Variants in OR5M9 observed in about 807,000 individuals in gnomAD.
OR5M9 encodes olfactory receptor 5M9.
For synonymous variants in OR5M9, 174 were observed against 145.0 expected (o/e 1.20, Z -1.44); for missense variants, 464 against 383.6 (o/e 1.21, Z -1.75).
chr11:56,463,274 A>G lies in OR5M9; in HGVS notation c.128T>C (p.Met43Thr). Residue 43 changes from methionine (M) to threonine (T), a missense_variant, in exon 1 of 1, where the codon ATG becomes ACG. By Grantham distance (81) the Met-to-Thr change is moderately conservative. Coordinates refer to ENST00000279791, the MANE Select transcript of OR5M9 (RefSeq NM_001004743.1). ...AGGACTGATGCTAATCAAAATGATCATACCAATATTTCCCAACAGAGTGAT... is the reference window on the plus strand; with the variant it reads ...AGGACTGATGCTAATCAAAATGATCGTACCAATATTTCCCAACAGAGTGAT... ...YMITLLGNIG[M>T]IILISISPQL... 1 of 1,613,884 alleles carries G rather than the reference A, an allele frequency of 6.2e-7. No homozygotes were observed. Among genetic ancestry groups the G allele is most frequent in the Non-Finnish European group, 8.5e-7 (1 of 1,179,836 alleles).
chr11:56,462,697 C>T lies in OR5M9; in HGVS notation c.705G>A (p.Ala235=), dbSNP rs373884757. The change falls in exon 1 of 1, where the codon GCG becomes GCA. Residue 235 remains alanine (A), a synonymous_variant. Coordinates refer to ENST00000279791, the MANE Select transcript of OR5M9 (RefSeq NM_001004743.1). ...RMRSADGRRK[A]FSTCGSHLTA... is the part of the protein sequence containing the mutation. The stretch of plus-strand genomic sequence containing the variant: ...TCAAGTGGGACCCACAGGTGGAGAA[C>T]GCCTTCCTCCTGCCATCGGCAGAGC... 12 of 1,613,150 alleles carry T rather than the reference C, an allele frequency of 7.4e-6. No individual in the cohort carries two copies. The highest frequency in any genetic ancestry group is 1.0e-5 in the Non-Finnish European group (12 of 1,179,676).
rs771732466 is a variant in OR5M9 at position 56,462,472 on chromosome 11, C to G, written c.930G>C (p.Gln310His). 2.3e-5 allele frequency: 37 copies of G among 1,594,176 alleles called. No individual in the cohort carries two copies. In the South Asian group the frequency reaches 3.8e-4, roughly 16 times the overall value. ...NKAITKTYVR[Q>H] ...GACAACAATATCCACTACAGTTTTA[C>G]TGCCTCACATATGTCTTGGTGATTG... Residue 310 changes from glutamine to histidine, a missense_variant, in exon 1 of 1, where the codon CAG becomes CAC. Transcript: ENST00000279791.
In OR5M9 at chr11:56,463,191, A is replaced by T. The variant is rs778508919; in HGVS notation, c.211T>A (p.Phe71Ile). The change falls in exon 1 of 1, where the codon TTC (phenylalanine) becomes ATC (isoleucine). Residue 71 changes from phenylalanine (F) to isoleucine (I), a missense_variant. Phe to Ile is a conservative substitution (Grantham distance 21). Coordinates refer to ENST00000279791, the MANE Select transcript of OR5M9 (RefSeq NM_001004743.1). ...LSHLSFADVC[F>I]SSNVTPKMLE... ...ATTTTGGGGGTAACGTTGGAGGAGA[A>T]GCACACGTCCGCAAAAGACAGATGA... is the stretch of plus-strand genomic sequence containing the variant. 1 of 1,613,964 alleles carries T rather than the reference A, an allele frequency of 6.2e-7. No individual in the cohort carries two copies. Among genetic ancestry groups the T allele is most frequent in the Non-Finnish European group, 8.5e-7 (1 of 1,179,922 alleles).
rs751153279 is a variant in OR5M9, at chr11:56,463,093, A to G, written c.309T>C (p.Ile103=). ...TATAGACCTCCACGTGGACAACGGC[A>G]ATGAAAAAGTAGCACTGCACCAAGC... ...VGCLVQCYFF[I]AVVHVEVYIL... is the part of the protein sequence containing the mutation. The change falls in exon 1 of 1, where the codon ATT becomes ATC. Residue 103 remains isoleucine (I), a synonymous_variant. Coordinates refer to ENST00000279791, the MANE Select transcript of OR5M9 (RefSeq NM_001004743.1). 3.7e-5 allele frequency: 59 copies of G among 1,613,974 alleles called. No individual in the cohort carries two copies. The highest frequency in any genetic ancestry group is 4.7e-5 in the Non-Finnish European group (56 of 1,179,984).
rs769056628 is a variant in OR5M9, at chr11:56,463,379, G to T, written c.23C>A (p.Thr8Lys). 41 of 1,607,892 alleles carry T rather than the reference G, an allele frequency of 2.5e-5. No homozygotes were observed. The highest frequency in any genetic ancestry group is 3.1e-5 in the Non-Finnish European group (36 of 1,177,708). Residue 8 changes from threonine (T) to lysine (K), a missense_variant, in exon 1 of 1, where the codon ACA becomes AAA. Transcript: ENST00000279791. MPNFTDVTEFTLLGLTCR... is the reference protein window; with the variant it reads MPNFTDVKEFTLLGLTCR... ...GGTCAGCCCCAGGAGAGTAAATTCT[G>T]TCACATCCGTGAAATTAGGCATTGC...
chr11:56,463,090 G>C lies in OR5M9; in HGVS notation c.312C>G (p.Ala104=). The C allele has an allele frequency of 6.2e-7, 1 of 1,613,998 alleles. No individual in the cohort carries two copies. Among genetic ancestry groups the C allele is most frequent in the Non-Finnish European group, 8.5e-7 (1 of 1,179,944 alleles). ...GGATATAGACCTCCACGTGGACAAC[G>C]GCAATGAAAAAGTAGCACTGCACCA... ...GCLVQCYFFI[A]VVHVEVYILA... is the part of the protein sequence containing the mutation. Residue 104 remains alanine (A), a synonymous_variant, in exon 1 of 1, where the codon GCC becomes GCG. Transcript: ENST00000279791.
chr11:56,463,069 A>G lies in OR5M9; in HGVS notation c.333T>C (p.Tyr111=), dbSNP rs751743942. Residue 111 remains tyrosine (Y), a synonymous_variant, in exon 1 of 1, where the codon TAT becomes TAC. Coordinates refer to ENST00000279791, the MANE Select transcript of OR5M9 (RefSeq NM_001004743.1). ...TGTCAAAGGCCATCACAGCCAGGAT[A>G]TAGACCTCCACGTGGACAACGGCAA... is the stretch of plus-strand genomic sequence containing the variant. ...FFIAVVHVEV[Y]ILAVMAFDRY... 3 of 1,614,090 alleles carry G rather than the reference A, an allele frequency of 1.9e-6. No homozygotes were observed. The highest frequency in any genetic ancestry group is 1.1e-5 in the South Asian group (1 of 91,084).
In OR5M9 at chr11:56,463,181, T is replaced by C. The variant is rs371853674; in HGVS notation, c.221A>G (p.Asn74Ser). Residue 74 changes from asparagine (N) to serine (S), a missense_variant, in exon 1 of 1, where the codon AAC becomes AGC. Asn to Ser is a conservative substitution (Grantham distance 46, BLOSUM62 1). Coordinates refer to ENST00000279791, the MANE Select transcript of OR5M9 (RefSeq NM_001004743.1). ...LSFADVCFSS[N>S]VTPKMLENLL... ...GTTTTCCAGCATTTTGGGGGTAACG[T>C]TGGAGGAGAAGCACACGTCCGCAAA... 11 of 1,613,754 alleles carry C rather than the reference T, an allele frequency of 6.8e-6. No individual in the cohort carries two copies. In the African/African-American group the frequency reaches 1.3e-4, roughly 20 times the overall value.
Position 56,463,277 on chromosome 11 carries a change from C to A in OR5M9, c.125G>T (p.Gly42Val), listed in dbSNP as rs1210460910. Residue 42 changes from glycine to valine, a missense_variant, in exon 1 of 1, where the codon GGT becomes GTT. Gly to Val is a moderately radical substitution (Grantham distance 109). Transcript: ENST00000279791. ...ACTGATGCTAATCAAAATGATCATA[C>A]CAATATTTCCCAACAGAGTGATCAT... Reference protein sequence around the residue: ...VYMITLLGNIGMIILISISPQ... With the variant: ...VYMITLLGNIVMIILISISPQ... The A allele has an allele frequency of 6.2e-7, 1 of 1,613,714 alleles. No individual in the cohort carries two copies. Among genetic ancestry groups the A allele is most frequent in the Non-Finnish European group, 8.5e-7 (1 of 1,179,790 alleles).
rs1012552438 is a variant in OR5M9, at chr11:56,463,170, T to G, written c.232A>C (p.Lys78Gln). 37 of 1,613,846 alleles carry G rather than the reference T, an allele frequency of 2.3e-5. No individual in the cohort carries two copies. The highest frequency in any genetic ancestry group is 1.6e-4 in the Middle Eastern group (1 of 6,084). Reference protein sequence around the residue: ...DVCFSSNVTPKMLENLLSETK... With the variant: ...DVCFSSNVTPQMLENLLSETK... ...TCTGATAATAAGTTTTCCAGCATTT[T>G]GGGGGTAACGTTGGAGGAGAAGCAC... Residue 78 changes from lysine (K) to glutamine (Q), a missense_variant, in exon 1 of 1, where the codon AAA becomes CAA. Transcript: ENST00000279791.
chr11:56,463,121 C>T lies in OR5M9; in HGVS notation c.281G>A (p.Gly94Glu), dbSNP rs2134826857. ...LSETKTISYV[G>E]CLVQCYFFIA... ...GAAAAAGTAGCACTGCACCAAGCAT[C>T]CCACATAGGAAATGGTTTTTGTCTC... The change falls in exon 1 of 1, where the codon GGA (glycine) becomes GAA (glutamate). Residue 94 changes from glycine (G) to glutamate (E), a missense_variant. Physicochemically the swap from Gly to Glu is moderately conservative, Grantham distance 98 (BLOSUM62 -2). Transcript: ENST00000279791. 1 of 1,614,052 alleles carries T rather than the reference C, an allele frequency of 6.2e-7. No homozygotes were observed. The highest frequency in any genetic ancestry group is 1.1e-5 in the South Asian group (1 of 91,086).
Position 56,463,326 on chromosome 11 carries a change from A to G in OR5M9, c.76T>C (p.Phe26Leu). The G allele has an allele frequency of 6.2e-7, 1 of 1,613,820 alleles. No homozygotes were observed. Among genetic ancestry groups the G allele is most frequent in the Non-Finnish European group, 8.5e-7 (1 of 1,179,858 alleles). Residue 26 changes from phenylalanine (F) to leucine (L), a missense_variant, in exon 1 of 1, where the codon TTT (phenylalanine) becomes CTT (leucine). Coordinates refer to ENST00000279791, the MANE Select transcript of OR5M9 (RefSeq NM_001004743.1). ...TCRQELQVLF[F>L]VVFLAVYMIT... is the part of the protein sequence containing the mutation. ...ATGTAAACCGCTAGGAACACCACAAAAAAGAGAACCTGTAGCTCCTGACGA... is the reference window on the plus strand; with the variant it reads ...ATGTAAACCGCTAGGAACACCACAAGAAAGAGAACCTGTAGCTCCTGACGA...
Position 56,463,080 on chromosome 11 carries a change from C to G in OR5M9, c.322G>C (p.Val108Leu), listed in dbSNP as rs560494144. ...ATCACAGCCAGGATATAGACCTCCA[C>G]GTGGACAACGGCAATGAAAAAGTAG... ...QCYFFIAVVH[V>L]EVYILAVMAF... is the part of the protein sequence containing the mutation. Residue 108 changes from valine (V) to leucine (L), a missense_variant, in exon 1 of 1, where the codon GTG becomes CTG. Coordinates refer to ENST00000279791, the MANE Select transcript of OR5M9 (RefSeq NM_001004743.1). The G allele has an allele frequency of 3.1e-6, 5 of 1,614,028 alleles. No individual in the cohort carries two copies. Among genetic ancestry groups the G allele is most frequent in the Non-Finnish European group, 4.2e-6 (5 of 1,179,964 alleles).
rs778989336 is a variant in OR5M9, at chr11:56,463,253, C to T, written c.149G>A (p.Ser50Asn). The T allele has an allele frequency of 1.2e-6, 2 of 1,613,810 alleles. No individual in the cohort carries two copies. Among genetic ancestry groups the T allele is most frequent in the Non-Finnish European group, 1.7e-6 (2 of 1,179,942 alleles). The change falls in exon 1 of 1, where the codon AGT becomes AAT. Residue 50 changes from serine to asparagine, a missense_variant. Coordinates refer to ENST00000279791, the MANE Select transcript of OR5M9 (RefSeq NM_001004743.1). ...GTACATGGGACTCTGAAGCTGAGGACTGATGCTAATCAAAATGATCATACC... is the reference window on the plus strand; with the variant it reads ...GTACATGGGACTCTGAAGCTGAGGATTGATGCTAATCAAAATGATCATACC... The part of the protein sequence containing the change: ...NIGMIILISI[S>N]PQLQSPMYFF...
rs1853563656 is a variant in OR5M9, at chr11:56,462,493, G to T, written c.909C>A (p.Ile303=). The T allele has an allele frequency of 6.2e-7, 1 of 1,611,398 alleles. No homozygotes were observed. Among genetic ancestry groups the T allele is most frequent in the Admixed American group, 1.7e-5 (1 of 59,968 alleles). Residue 303 remains isoleucine, a synonymous_variant, in exon 1 of 1, where the codon ATC becomes ATA. Coordinates refer to ENST00000279791, the MANE Select transcript of OR5M9 (RefSeq NM_001004743.1). The part of the protein sequence containing the change: ...KDVKEAVNKA[I]TKTYVRQ The stretch of plus-strand genomic sequence containing the variant: ...TTTACTGCCTCACATATGTCTTGGT[G>T]ATTGCTTTGTTGACTGCTTCTTTTA...
rs770156394 is a variant in OR5M9 at position 56,463,201 on chromosome 11, C to T, written c.201G>A (p.Ala67=). The stretch of plus-strand genomic sequence containing the variant: ...TAACGTTGGAGGAGAAGCACACGTC[C>T]GCAAAAGACAGATGACTCAGGAAAA... ...MYFFLSHLSF[A]DVCFSSNVTP... is the part of the protein sequence containing the mutation. The change falls in exon 1 of 1, where the codon GCG becomes GCA. Residue 67 remains alanine (A), a synonymous_variant. Transcript: ENST00000279791. 1.5e-5 allele frequency: 24 copies of T among 1,613,608 alleles called. No homozygotes were observed. The Admixed American group carries it at 2.2e-4, about 15-fold the overall frequency.
chr11:56,462,658 CAT>C lies in OR5M9; in HGVS notation c.742_743del (p.Met248ValfsTer15). The C allele has an allele frequency of 6.2e-7, 1 of 1,613,744 alleles. No individual in the cohort carries two copies. The highest frequency in any genetic ancestry group is 8.5e-7 in the Non-Finnish European group (1 of 1,179,876). ...ACATGAAGATGGGGGTCCCATAAAACATAGAAACAGCCGTCAAGTGGGACCCA... is the reference window on the plus strand; with the variant it reads ...ACATGAAGATGGGGGTCCCATAAAACAGAAACAGCCGTCAAGTGGGACCCA... ...TCGSHLTAVSMFYGTPIFMYL... is the reference protein window; with the variant it reads ...TCGSHLTAVSXFYGTPIFMYL... On this transcript the variant is annotated frameshift_variant, in exon 1 of 1. Coordinates refer to ENST00000279791, the MANE Select transcript of OR5M9 (RefSeq NM_001004743.1). LOFTEE classifies it low-confidence loss of function (END_TRUNC).
In OR5M9 at chr11:56,463,180, G is replaced by A. The variant is rs749194186; in HGVS notation, c.222C>T (p.Asn74=). ...AGTTTTCCAGCATTTTGGGGGTAAC[G>A]TTGGAGGAGAAGCACACGTCCGCAA... The part of the protein sequence containing the change: ...LSFADVCFSS[N]VTPKMLENLL... The change falls in exon 1 of 1, where the codon AAC becomes AAT. Residue 74 remains asparagine (N), a synonymous_variant. Transcript: ENST00000279791. The A allele has an allele frequency of 1.2e-5, 19 of 1,613,922 alleles. No homozygotes were observed. The highest frequency in any genetic ancestry group is 1.5e-5 in the Non-Finnish European group (18 of 1,179,912).
rs79774767 is a variant in OR5M9 at position 56,462,792 on chromosome 11, T to C, written c.610A>G (p.Asn204Asp). The change falls in exon 1 of 1, where the codon AAC becomes GAC. Residue 204 changes from asparagine to aspartate, a missense_variant. Coordinates refer to ENST00000279791, the MANE Select transcript of OR5M9 (RefSeq NM_001004743.1). Reference protein sequence around the residue: ...EITMIVIAGINFTYSLSVVLI... With the variant: ...EITMIVIAGIDFTYSLSVVLI... ...ACCACCGAGAGGGAATATGTGAAGT[T>C]AATTCCAGCAATAACAATCATTGTG... 923 of 1,613,576 alleles carry C rather than the reference T, an allele frequency of 5.7e-4. 4 individuals carry two copies. In the African/African-American group the frequency reaches 1.0e-2, roughly 17 times the overall value.
Sources: allele counts gnomAD v4.1 joint callset, GRCh38; gene constraint gnomAD v4.1.1; transcripts MANE v1.5; gene names NCBI Gene and HGNC (gene_info 2026-07-23, HGNC 2026-07-21).